ANO4: variants seen among roughly 807,000 people sequenced by gnomAD.
ANO4 encodes the protein anoctamin 4, also known as anoctamin-4.
A neutral mutation model predicts 141.9 loss-of-function variants in ANO4; 69 were observed. The observed-to-expected ratio is 0.49, with a 90% CI of 0.40 to 0.59. The LOEUF is 0.59. Among genes scored for constraint, ANO4 ranks in the 20% least tolerant of loss-of-function variants. The pLI is 0.00. For missense variants in ANO4, 894 were observed against 1,162.2 expected, an observed-to-expected ratio of 0.77 and a Z score of 3.36; for synonymous variants, 350 against 394.3, an observed-to-expected ratio of 0.89 and a Z score of 1.33.
rs143089752 is a variant in ANO4, at chr12:101,099,691, A to G, written c.2120A>G (p.Tyr707Cys). ...TATAACCTTCAGCCGATGAATGCCT[A>G]TGGACTCTTCGATGAATACTTAGAA... is the stretch of plus-strand genomic sequence containing the variant. ...KDYNLQPMNA[Y>C]GLFDEYLEMI... Residue 707 changes from tyrosine to cysteine, a missense_variant, in exon 22 of 28, where the codon TAT (tyrosine) becomes TGT (cysteine). By Grantham distance (194) the Tyr-to-Cys change is radical. Around this residue, in one of 2 missense-constraint regions of ANO4, gnomAD observed 637 missense variants for 909.2 expected, o/e 0.70. Coordinates refer to ENST00000392977, the MANE Select transcript of ANO4 (RefSeq NM_001286615.2). 1,108 of 1,586,862 alleles carry G rather than the reference A, an allele frequency of 7.0e-4. No individual in the cohort carries two copies. Among genetic ancestry groups the G allele is most frequent in the Non-Finnish European group, 9.1e-4 (1,065 of 1,172,938 alleles).
intron 27 of ANO4, among the ~76,000 whole-genome samples, chr12:101,127,642 C>T (rs1461424103): frequency 2.6e-5 from 4 of 152,100 alleles, no homozygotes; most frequent in African/African-American, 9.7e-5. Flanking sequence ...TCTATTTCCC[C>T]AATAGTTGGC....
In ANO4 at chr12:100,770,106, G is replaced by A. The variant is rs115419307; in HGVS notation, c.358+30001G>A. 2.5e-3 allele frequency among the ~76,000 whole-genome samples: 387 copies of A among 152,264 alleles called. 2 individuals are homozygous for A. Among genetic ancestry groups the A allele is most frequent in the African/African-American group, 8.7e-3 (360 of 41,554 alleles). On this transcript the variant is annotated intron_variant, in intron 3 of 29. Transcript: ENST00000644049. Reference sequence around the variant, plus strand: ...AATATTGCGATAGCTATGTAACACCGTGTTTTCCCTTTTTGCTTTGGCTAC... The same window carrying A: ...AATATTGCGATAGCTATGTAACACCATGTTTTCCCTTTTTGCTTTGGCTAC...
At chr12:100,838,534 G>A (rs1260020799) in intron 1 of ANO4, among the ~76,000 whole-genome samples, 1 of 152,140 alleles carries the variant, frequency 6.6e-6, no homozygotes, top group Admixed American at 6.6e-5. Flanking sequence ...GATTACAGCT[G>A]AATAGGTGGA....
At chr12:100,903,954 A>G (rs1450743032) in intron 2 of ANO4, among the ~76,000 whole-genome samples, 1 of 152,172 alleles carries the variant, frequency 6.6e-6, no homozygotes, top group Admixed American at 6.5e-5. Flanking sequence ...TAAATATGTG[A>G]TGCTGTTTCA....
chr12:100,943,800 T>C (rs1417177817), intron 5 of ANO4, among the ~76,000 whole-genome samples: 2 of 152,224 alleles, frequency 1.3e-5, no homozygotes, highest in Non-Finnish European at 2.9e-5. Flanking sequence ...AATCTTACTC[T>C]TTAAGTTCTA....
At chr12:101,049,969 G>A (rs1251032932) in intron 14 of ANO4, among the ~76,000 whole-genome samples, 1 of 152,136 alleles carries the variant, frequency 6.6e-6, no homozygotes, top group Non-Finnish European at 1.5e-5. Context: ...ACTAGAAAAT[G>A]TAAAGGGAAA....
chr12:100,781,571 A>G (rs183039867), intron 3 of ANO4, among the ~76,000 whole-genome samples: 7 of 152,250 alleles, frequency 4.6e-5, no homozygotes, highest in Admixed American at 3.9e-4. Flanking sequence ...ACTAGATTGG[A>G]TTTAATTAAT....
In ANO4 at chr12:100,925,070, G is replaced by A. The variant is rs533874432; in HGVS notation, c.160+2740G>A. ...AGTTTATGCATTTTCTATTGCTTTG[G>A]AACTAATTTATTTTCTTGTTGCAAA... On this transcript the variant is annotated intron_variant, in intron 3 of 27. Coordinates refer to ENST00000392977, the MANE Select transcript of ANO4 (RefSeq NM_001286615.2). Among the ~76,000 whole-genome samples, 4 of 152,090 alleles carry A rather than the reference G, an allele frequency of 2.6e-5. No individual in the cohort carries two copies. The South Asian group carries it at 6.2e-4, about 24-fold the overall frequency.
chr12:100,802,243 A>G (rs898728280), intron 1 of ANO4, among the ~76,000 whole-genome samples: 6 of 152,238 alleles, frequency 3.9e-5, no homozygotes, highest in African/African-American at 1.2e-4. Context: ...TGTGCTATTT[A>G]CAAGGAATAC....
rs767276014 is a variant in ANO4, at chr12:100,901,651, A to C, written c.-135A>C. ...GGTGCCATTTCTCATTCCAGGTTTA[A>C]GTTTATCTATTCATGGGGCTGAAAA... On this transcript the variant is annotated 5_prime_UTR_variant, in exon 2 of 28. The change abolishes the stop of an existing upstream ORF in the 5' untranslated region. Transcript: ENST00000392977. 16 of 811,270 alleles carry C rather than the reference A, an allele frequency of 2.0e-5. 1 individual carries two copies. In the South Asian group the frequency reaches 2.2e-4, roughly 11 times the overall value. The allele number at this position is 811,270 out of a possible 1,614,324, so 50.3% of individuals were successfully genotyped here.
chr12:100,931,636 G>A (rs1237112894), intron 3 of ANO4, among the ~76,000 whole-genome samples: 1 of 152,124 alleles, frequency 6.6e-6, no homozygotes, highest in Non-Finnish European at 1.5e-5. Flanking sequence ...CACACAGCAG[G>A]CTGTCAGTAA....
chr12:100,814,484 A>G (rs1050367887), intron 1 of ANO4, among the ~76,000 whole-genome samples: 5 of 152,140 alleles, frequency 3.3e-5, no homozygotes, highest in Non-Finnish European at 5.9e-5. Flanking sequence ...CCAGAATTTT[A>G]TCATTTATGG....
chr12:100,822,205 T>C (rs1365611851), intron 1 of ANO4, among the ~76,000 whole-genome samples: 4 of 152,048 alleles, frequency 2.6e-5, no homozygotes, highest in Non-Finnish European at 5.9e-5. Context: ...TGACCCTTTG[T>C]TATCAGCAAA....
At chr12:100,732,200 T>C (rs2031408188) in intron 1 of ANO4, among the ~76,000 whole-genome samples, 1 of 152,248 alleles carries the variant, frequency 6.6e-6, no homozygotes, top group Non-Finnish European at 1.5e-5. Flanking sequence ...CCATTTTGTA[T>C]TCTCACCAGC....
At chr12:100,757,498 T>C (rs2032663744) in intron 3 of ANO4, among the ~76,000 whole-genome samples, 1 of 152,228 alleles carries the variant, frequency 6.6e-6, no homozygotes, top group South Asian at 2.1e-4. Context: ...TCTTTTTCTC[T>C]TGTAACTACA....
rs568313352 is a variant in ANO4 at position 101,110,836 on chromosome 12, A to G, written c.2302+280A>G. Among the ~76,000 whole-genome samples, 3 of 152,342 alleles carry G rather than the reference A, an allele frequency of 2.0e-5. No homozygotes were observed. The East Asian group carries it at 5.8e-4, about 29-fold the overall frequency. ...ATTCTAGAATCTAAAATTTAGATTT[A>G]TTATCACTTATATCCTTTTTAAAAT... is the stretch of plus-strand genomic sequence containing the variant. On this transcript the variant is annotated intron_variant, in intron 23 of 27. Coordinates refer to ENST00000392977, the MANE Select transcript of ANO4 (RefSeq NM_001286615.2).
chr12:100,749,322 A>G (rs777726171), intron 3 of ANO4, among the ~76,000 whole-genome samples: 24 of 152,222 alleles, frequency 1.6e-4, no homozygotes, highest in Non-Finnish European at 2.5e-4. Flanking sequence ...CTCCATGTAT[A>G]CTACTTCTCT....
In ANO4 at chr12:100,898,954, C is replaced by T. The variant is rs184895072; in HGVS notation, c.-140-2692C>T. Among the ~76,000 whole-genome samples the T allele has an allele frequency of 1.4e-3, 216 of 152,268 alleles. 2 individuals carry two copies. Among genetic ancestry groups the T allele is most frequent in the African/African-American group, 4.9e-3 (205 of 41,548 alleles). On this transcript the variant is annotated intron_variant, in intron 1 of 27. Transcript: ENST00000392977. ...CTACAGATGGTTCAGTTTGTACCTC[C>T]GTGGAAACAGGGAACATGCACCAGT...
chr12:101,080,900 T>G (rs186801500), intron 15 of ANO4, among the ~76,000 whole-genome samples: 1 of 131,042 alleles, frequency 7.6e-6, no homozygotes, highest in Non-Finnish European at 1.6e-5. Context: ...TATATATATA[T>G]ACATACACAT....
Sources: allele counts gnomAD v4.1 joint callset (sites outside exome capture counted in the v4.1 genomes callset), GRCh38; gene constraint gnomAD v4.1.1; regional missense constraint gnomAD v4.1.1; transcripts MANE v1.5; gene names NCBI Gene and HGNC (gene_info 2026-07-23, HGNC 2026-07-21).